The following STK32C variants were observed in gnomAD, a reference collection of about 807,000 sequenced individuals.
The protein encoded by STK32C is serine/threonine-protein kinase 32C.
A neutral mutation model predicts 56.5 loss-of-function variants in STK32C; 31 were observed. That is an observed-to-expected ratio of 0.55 (90% CI 0.41 to 0.74). The LOEUF (loss-of-function observed/expected upper bound fraction) is 0.74. STK32C is among the 30% of genes least tolerant of loss of function. The pLI is 0.00. For synonymous variants in STK32C, 309 were observed against 289.4 expected (o/e 1.07, Z -0.69); for missense variants, 544 against 676.9 (o/e 0.80, Z 2.18).
intron 10 of STK32C, among the ~76,000 whole-genome samples, chr10:132,211,784 C>T (rs2062309352): frequency 6.6e-6 from 1 of 152,178 alleles, no homozygotes; most frequent in Admixed American, 6.5e-5. Flanking sequence ...GGGCAGGGAC[C>T]TCTTGAACCG....
chr10:132,221,506 C>A (rs1168112338), intron 10 of STK32C, among the ~76,000 whole-genome samples: 6 of 143,948 alleles, frequency 4.2e-5, no homozygotes, highest in Non-Finnish European at 6.0e-5. Context: ...GTGGCCATCC[C>A]TGCACACACA....
intron 3 of STK32C, among the ~76,000 whole-genome samples, chr10:132,227,765 A>G (rs753180880): frequency 2.0e-5 from 3 of 152,134 alleles, no homozygotes; most frequent in Non-Finnish European, 4.4e-5. Flanking sequence ...CACTGCATTA[A>G]CCAACCCCAG....
chr10:132,289,659 C>T (rs1403494107), intron 1 of STK32C, among the ~76,000 whole-genome samples: 1 of 152,218 alleles, frequency 6.6e-6, no homozygotes, highest in East Asian at 1.9e-4. Context: ...TGAGGGCCCA[C>T]TTCTCGGCTC....
At chr10:132,287,655 G>A (rs927828095) in intron 1 of STK32C, among the ~76,000 whole-genome samples, 1 of 151,794 alleles carries the variant, frequency 6.6e-6, no homozygotes, top group Admixed American at 6.6e-5. Context: ...GTTTCACCAT[G>A]TTGGCCAGGC....
At chr10:132,254,765 C>T (rs2064046612) in intron 1 of STK32C, among the ~76,000 whole-genome samples, 1 of 151,740 alleles carries the variant, frequency 6.6e-6, no homozygotes, top group Non-Finnish European at 1.5e-5. Flanking sequence ...CGGGAATCAG[C>T]ACTATGTCAC....
intron 10 of STK32C, among the ~76,000 whole-genome samples, chr10:132,215,328 G>A (rs539537039): frequency 2.0e-4 from 30 of 152,104 alleles, no homozygotes; most frequent in Non-Finnish European, 4.1e-4. Context: ...TAGAGCTGGT[G>A]ATAAGGTTTG....
At chr10:132,315,191 A>G (rs934807100) in intron 1 of STK32C, among the ~76,000 whole-genome samples, 6 of 152,190 alleles carry the variant, frequency 3.9e-5, no homozygotes, top group African/African-American at 1.4e-4. Flanking sequence ...GCTGGAATCC[A>G]TCATTCTCAG....
chr10:132,274,599 C>A (rs2064940990), intron 1 of STK32C, among the ~76,000 whole-genome samples: 1 of 152,238 alleles, frequency 6.6e-6, no homozygotes, highest in Non-Finnish European at 1.5e-5. Context: ...GGCCGCAGAG[C>A]CTCCCCTGCC....
At chr10:132,302,047 C>T (rs2065925351) in intron 1 of STK32C, among the ~76,000 whole-genome samples, 1 of 152,198 alleles carries the variant, frequency 6.6e-6, no homozygotes, top group Non-Finnish European at 1.5e-5. Flanking sequence ...GCTGGGTCAG[C>T]CGCATTTTCA....
At chr10:132,298,929 C>T (rs1409981096) in intron 1 of STK32C, among the ~76,000 whole-genome samples, 1 of 152,182 alleles carries the variant, frequency 6.6e-6, no homozygotes, top group Non-Finnish European at 1.5e-5. Flanking sequence ...ATCACCGACT[C>T]AGAAACGATA....
At chr10:132,264,955 G>C (rs181198239) in intron 1 of STK32C, among the ~76,000 whole-genome samples, 1 of 152,258 alleles carries the variant, frequency 6.6e-6, no homozygotes, top group Non-Finnish European at 1.5e-5. Flanking sequence ...CATCATACCC[G>C]TATTTTATTT....
rs114020415 is a variant in STK32C, at chr10:132,255,216, G to A, written c.263-9261C>T. Among the ~76,000 whole-genome samples, 1,485 of 152,294 alleles carry A rather than the reference G, an allele frequency of 9.8e-3. 23 individuals are homozygous for A. The highest frequency in any genetic ancestry group is 0.034 in the African/African-American group (1,408 of 41,558). On this transcript the variant is annotated intron_variant, in intron 1 of 11. Transcript: ENST00000298630. The surrounding 1 kb of genome is among the most constrained non-coding windows in gnomAD (Gnocchi z 4.6). Reference sequence around the variant, plus strand: ...TCATCCCCCAGGACTCCGAGACGCAGGCCCCGCAGAGCTTGTGCAGCCTCT... The same window carrying A: ...TCATCCCCCAGGACTCCGAGACGCAAGCCCCGCAGAGCTTGTGCAGCCTCT...
intron 1 of STK32C, among the ~76,000 whole-genome samples, chr10:132,274,911 T>C (rs2064952008): frequency 6.6e-6 from 1 of 152,126 alleles, no homozygotes; most frequent in African/African-American, 2.4e-5. Context: ...ACCCTGTTCT[T>C]CCACTCCCTG....
intron 1 of STK32C, among the ~76,000 whole-genome samples, chr10:132,286,330 C>T (rs999831444): frequency 6.6e-6 from 1 of 152,150 alleles, no homozygotes; most frequent in African/African-American, 2.4e-5. Flanking sequence ...TCAAACAGCA[C>T]CACTGGTGAA....
In STK32C at chr10:132,207,744, G is replaced by A. The variant is rs535148699; in HGVS notation, c.*266C>T. On this transcript the variant is annotated 3_prime_UTR_variant, in exon 12 of 12. Transcript: ENST00000298630. Reference sequence around the variant, plus strand: ...TCCATGGCCCCAGCTCCCCGTGAGCGGTAAGAGGGCGCCCAGCAGCGCTTC... The same window carrying A: ...TCCATGGCCCCAGCTCCCCGTGAGCAGTAAGAGGGCGCCCAGCAGCGCTTC... 2.0e-5 allele frequency: 7 copies of A among 353,950 alleles called. No homozygotes were observed. Among genetic ancestry groups the A allele is most frequent in the South Asian group, 3.0e-4 (2 of 6,742 alleles). 21.9% of individuals were successfully genotyped at this position (353,950 alleles called of 1,614,324 possible).
intron 1 of STK32C, chr10:132,330,160 A>G (rs1467243142): frequency 5.1e-6 from 2 of 392,722 alleles, no homozygotes; most frequent in Non-Finnish European, 9.6e-6. Flanking sequence ...CTGGGCAAAA[A>G]CTGAGCACAG....
At chr10:132,272,622 A>G (rs1350402697) in intron 1 of STK32C, among the ~76,000 whole-genome samples, 1 of 152,094 alleles carries the variant, frequency 6.6e-6, no homozygotes, top group Non-Finnish European at 1.5e-5. Context: ...CTCCGACCGC[A>G]TCTTGCCCCT....
At chr10:132,322,617 C>T (rs115223408), downstream of STK32C, among the ~76,000 whole-genome samples, 563 of 152,304 alleles carry the variant, frequency 3.7e-3, 7 homozygotes, top group African/African-American at 0.013. Context: ...CCAAATTTCA[C>T]GCCAGTGTAA....
chr10:132,225,225 G>A lies in STK32C; in HGVS notation c.876+8C>T, dbSNP rs766777373. 41 of 1,601,598 alleles carry A rather than the reference G, an allele frequency of 2.6e-5. 1 individual carries two copies. The Admixed American group carries it at 5.4e-4, about 21-fold the overall frequency. On this transcript the variant is annotated splice_region_variant and intron_variant, in intron 7 of 11. Transcript: ENST00000298630. Reference sequence around the variant, plus strand: ...CAGCCAAGCCCAGGGGCTGCAGGGGGTCCATACCCATCCTCGCAGCAGCTC... The same window carrying A: ...CAGCCAAGCCCAGGGGCTGCAGGGGATCCATACCCATCCTCGCAGCAGCTC...
Sources: gnomAD v4.1 joint callset for allele counts (sites outside exome capture counted in the v4.1 genomes callset) on GRCh38, gnomAD v4.1.1 for gene constraint, Gnocchi (gnomAD v3.1) non-coding constraint, MANE v1.5 for transcripts, NCBI Gene and HGNC (gene_info 2026-07-23, HGNC 2026-07-21) for gene names.